PLXNA2: variants seen among roughly 807,000 people sequenced by gnomAD.
PLXNA2 encodes plexin-A2.
In PLXNA2, 91 loss-of-function variants were observed where a neutral mutation model predicts 193.5. That is an observed-to-expected ratio of 0.47 (90% confidence interval 0.40 to 0.56). PLXNA2 has a LOEUF of 0.56. Among genes scored for constraint, PLXNA2 ranks in the 20% least tolerant of loss-of-function variants. The pLI is 0.00. For synonymous variants in PLXNA2, 997 were observed against 1,027.3 expected, an observed-to-expected ratio of 0.97 and a Z score of 0.56; for missense variants, 1,995 against 2,503.2, an observed-to-expected ratio of 0.80 and a Z score of 4.33.
chr1:208,031,607 G>A lies in PLXNA2; in HGVS notation c.5208C>T (p.His1736=), dbSNP rs1664505433. Residue 1736 remains histidine, a synonymous_variant, in exon 29 of 32, where the codon CAC becomes CAT. Transcript: ENST00000367033. ...RHSIHDTDVR[H]TWKSNCLPLR... ...GGGTTTACCAGTTGCTTTTCCAGGTGTGCCGCACATCTGTGTCATGGATGC... is the reference window on the plus strand; with the variant it reads ...GGGTTTACCAGTTGCTTTTCCAGGTATGCCGCACATCTGTGTCATGGATGC... 6.2e-7 allele frequency: 1 copy of A among 1,614,042 alleles called. No individual in the cohort carries two copies. The highest frequency in any genetic ancestry group is 8.5e-7 in the Non-Finnish European group (1 of 1,180,008).
intron 5 of PLXNA2, among the ~76,000 whole-genome samples, chr1:208,099,858 C>T (rs926551606): frequency 3.7e-4 from 56 of 151,918 alleles, no homozygotes; most frequent in Admixed American, 3.0e-3. Context: ...TGTGAGCCAC[C>T]GCACCTGGCC....
chr1:208,092,355 G>A (rs1021588164), intron 9 of PLXNA2, among the ~76,000 whole-genome samples: 2 of 152,310 alleles, frequency 1.3e-5, no homozygotes, highest in African/African-American at 4.8e-5. Flanking sequence ...GAATTTTAGA[G>A]TTGGAAGAGA....
At chr1:208,129,738 CT>C (rs1668090885) in intron 4 of PLXNA2, among the ~76,000 whole-genome samples, 4 of 152,188 alleles carry the variant, frequency 2.6e-5, no homozygotes, top group Admixed American at 6.5e-5. Flanking sequence ...AATCCCAGCA[CT>C]CTGCATACTG....
intron 14 of PLXNA2, among the ~76,000 whole-genome samples, chr1:208,054,127 C>T (rs1665350291): frequency 6.6e-6 from 1 of 152,228 alleles, no homozygotes; most frequent in Admixed American, 6.5e-5. Context: ...CGCCCCCAGT[C>T]TAGGATCCAC....
At chr1:208,174,130 G>A (rs1276612668) in intron 3 of PLXNA2, among the ~76,000 whole-genome samples, 1 of 152,240 alleles carries the variant, frequency 6.6e-6, no homozygotes, top group Admixed American at 6.5e-5. Flanking sequence ...GAGTCATGAC[G>A]TGACTGGTTT....
At chr1:208,208,869 C>T (rs1670831402) in intron 3 of PLXNA2, among the ~76,000 whole-genome samples, 1 of 152,210 alleles carries the variant, frequency 6.6e-6, no homozygotes, top group African/African-American at 2.4e-5. Context: ...AGGCCAGGCA[C>T]AATTTGCTCA....
At chr1:208,218,080 C>G (rs1467601939) in intron 1 of PLXNA2, 78 bp from the exon 2 acceptor site, 1 of 1,319,054 alleles carries the variant, frequency 7.6e-7, no homozygotes, top group Middle Eastern at 2.1e-4. Context: ...ACCCAGGGTC[C>G]CCATCCTGGT....
chr1:208,189,533 G>A (rs975785229), intron 3 of PLXNA2, among the ~76,000 whole-genome samples: 3 of 151,846 alleles, frequency 2.0e-5, no homozygotes, highest in African/African-American at 7.3e-5. Context: ...GCGAACCTGG[G>A]GCTGAGGCAG....
intron 15 of PLXNA2, among the ~76,000 whole-genome samples, chr1:208,051,913 G>A (rs1451498186): frequency 6.6e-6 from 1 of 152,176 alleles, no homozygotes; most frequent in Admixed American, 6.5e-5. Context: ...GGGGAGTGCT[G>A]GCAAATGGTA....
chr1:208,166,287 G>A (rs1036679344), intron 3 of PLXNA2, among the ~76,000 whole-genome samples: 1 of 152,202 alleles, frequency 6.6e-6, no homozygotes, highest in Non-Finnish European at 1.5e-5. Context: ...ACTGTCCTAA[G>A]AGCAGATGTT....
chr1:208,197,944 T>C (rs551493612), intron 3 of PLXNA2, among the ~76,000 whole-genome samples: 18 of 152,272 alleles, frequency 1.2e-4, no homozygotes, highest in African/African-American at 3.4e-4. Flanking sequence ...ATGTATAATT[T>C]TCACATCATT....
At chr1:208,031,259 G>A in intron 29 of PLXNA2, 1 of 1,145,030 alleles carries the variant, frequency 8.7e-7, no homozygotes, top group Non-Finnish European at 1.1e-6. Flanking sequence ...CTTTGCATAG[G>A]TTCCCCCAGC....
At chr1:208,098,458 T>TCTCTCACACACA (rs368366958) in intron 6 of PLXNA2, among the ~76,000 whole-genome samples, 5 of 123,428 alleles carry the variant, frequency 4.1e-5, no homozygotes, top group Admixed American at 1.7e-4. Flanking sequence ...TCTCTCTCTC[T>TCTCTCACACACA]CACACACACA....
intron 2 of PLXNA2, among the ~76,000 whole-genome samples, chr1:208,212,706 CACCACTGGAGCCA>C (rs1425780535): frequency 3.9e-5 from 6 of 152,352 alleles, no homozygotes; most frequent in South Asian, 2.1e-4. Flanking sequence ...TTTACCAGCA[CACCACTGGAGCCA>C]ACCACGGGAA....
intron 4 of PLXNA2, among the ~76,000 whole-genome samples, chr1:208,133,961 C>T (rs555245939): frequency 6.6e-6 from 1 of 152,198 alleles, no homozygotes; most frequent in Non-Finnish European, 1.5e-5. Context: ...TGATTCTGGG[C>T]AGTCAGTGTC....
At chr1:208,186,372 A>G (rs1263139659) in intron 3 of PLXNA2, among the ~76,000 whole-genome samples, 3 of 152,250 alleles carry the variant, frequency 2.0e-5, no homozygotes, top group Admixed American at 6.5e-5. Flanking sequence ...CAAAGGAATA[A>G]GAGAATCAAC....
intron 22 of PLXNA2, among the ~76,000 whole-genome samples, chr1:208,041,596 C>G (rs960052555): frequency 6.6e-6 from 1 of 152,196 alleles, no homozygotes; most frequent in Non-Finnish European, 1.5e-5. Flanking sequence ...ATGTGGCAAC[C>G]AAGCACTTAG....
At position 208,144,247 on chromosome 1, in the gene PLXNA2, C is replaced by CATGG. The variant is rs976649179; in HGVS notation, c.1372-1788_1372-1785dup. On this transcript the variant is annotated intron_variant, in intron 3 of 31. Transcript: ENST00000367033. ...CCTGATGCCACAACAAGTACACTAG[C>CATGG]ATGGATGGATGGATGGATGTGTTTT... Among the ~76,000 whole-genome samples, 410 of 152,256 alleles carry CATGG rather than the reference C, an allele frequency of 2.7e-3. 2 individuals carry two copies. The highest frequency in any genetic ancestry group is 9.2e-3 in the African/African-American group (383 of 41,538).
At position 208,054,406 on chromosome 1, in the gene PLXNA2, G is replaced by A; in HGVS notation, c.2856+15C>T. On this transcript the variant is annotated intron_variant, in intron 14 of 31. Transcript: ENST00000367033. ...TCCCTGGGCACCTGCACCTGGCCCTGGACCCAGTACTCACCACGAAGGTGT... is the reference window on the plus strand; with the variant it reads ...TCCCTGGGCACCTGCACCTGGCCCTAGACCCAGTACTCACCACGAAGGTGT... The A allele has an allele frequency of 6.3e-7, 1 of 1,578,024 alleles. No individual in the cohort carries two copies. Among genetic ancestry groups the A allele is most frequent in the Non-Finnish European group, 8.7e-7 (1 of 1,147,578 alleles).
Sources: gnomAD v4.1 joint callset for allele counts (sites outside exome capture counted in the v4.1 genomes callset) on GRCh38, gnomAD v4.1.1 for gene constraint, MANE v1.5 for transcripts, NCBI Gene and HGNC (gene_info 2026-07-23, HGNC 2026-07-21) for gene names.